FHOD3: variants seen among roughly 807,000 people sequenced by gnomAD.
FHOD3 encodes the protein FH1/FH2 domain-containing protein 3.
FHOD3 carries 90 observed loss-of-function variants against 173.0 expected under a neutral mutation model. That is an observed-to-expected ratio of 0.52 (90% CI 0.44 to 0.62). The LOEUF (loss-of-function observed/expected upper bound fraction) is 0.62. FHOD3 is among the 20% of genes least tolerant of loss of function. The pLI, the probability that FHOD3 is intolerant of heterozygous loss-of-function variation, is 0.00. For missense variants in FHOD3, 1,945 were observed against 2,034.7 expected, an observed-to-expected ratio of 0.96 and a Z score of 0.85; for synonymous variants, 828 against 823.0, an observed-to-expected ratio of 1.01 and a Z score of -0.10.
chr18:36,540,532 G>T (rs576036580), intron 5 of FHOD3, among the ~76,000 whole-genome samples: 1 of 152,294 alleles, frequency 6.6e-6, no homozygotes, highest in South Asian at 2.1e-4. Context: ...TAATGCATTT[G>T]CAGTGATATA....
At chr18:36,424,254 A>AT (rs2050133046) in intron 3 of FHOD3, among the ~76,000 whole-genome samples, 1 of 152,098 alleles carries the variant, frequency 6.6e-6, no homozygotes, top group African/African-American at 2.4e-5. Flanking sequence ...ACAGTGCCAC[A>AT]TTTTTTGTAG....
intron 9 of FHOD3, among the ~76,000 whole-genome samples, chr18:36,614,840 ATTTTTTT>A (rs751719654): frequency 2.1e-3 from 182 of 86,178 alleles, no homozygotes; most frequent in African/African-American, 3.9e-3. Flanking sequence ...TTTTTAATTG[ATTTTTTT>A]TTTTTTTTTT....
chr18:36,561,430 C>T (rs1216858184), intron 5 of FHOD3, among the ~76,000 whole-genome samples: 1 of 152,130 alleles, frequency 6.6e-6, no homozygotes, highest in African/African-American at 2.4e-5. Context: ...GGAACCACCT[C>T]CCAGGACTGT....
chr18:36,655,378 C>A (rs1209794247), intron 13 of FHOD3, among the ~76,000 whole-genome samples: 2 of 152,034 alleles, frequency 1.3e-5, no homozygotes, highest in East Asian at 3.9e-4. Flanking sequence ...TTTCCTGGGC[C>A]CCAGACCCTT....
At chr18:36,476,851 A>T (rs1269503264) in intron 3 of FHOD3, among the ~76,000 whole-genome samples, 5 of 152,212 alleles carry the variant, frequency 3.3e-5, no homozygotes, top group African/African-American at 9.6e-5. Context: ...CTCTTTGAGC[A>T]CTTTCTTTAC....
intron 1 of FHOD3, among the ~76,000 whole-genome samples, chr18:36,341,968 A>T (rs2045645716): frequency 6.6e-6 from 1 of 152,256 alleles, no homozygotes; most frequent in Non-Finnish European, 1.5e-5. Flanking sequence ...CTCTGAAACA[A>T]TTGTGATAAA....
At chr18:36,383,124 G>A (rs2047873966) in intron 3 of FHOD3, among the ~76,000 whole-genome samples, 1 of 152,190 alleles carries the variant, frequency 6.6e-6, no homozygotes, top group Non-Finnish European at 1.5e-5. Context: ...GATAGCGTTG[G>A]CCAGCCCTTC....
At chr18:36,542,495 C>T (rs946070215) in intron 5 of FHOD3, among the ~76,000 whole-genome samples, 1 of 152,078 alleles carries the variant, frequency 6.6e-6, no homozygotes, top group Non-Finnish European at 1.5e-5. Context: ...ATTGAGTATT[C>T]TGTATTAGGT....
chr18:36,693,281 C>T lies in FHOD3; in HGVS notation c.2094C>T (p.Gly698=). ...KELRSRSVSR[G]RADLSLDLTS... ...TGAGAAGCCGGAGTGTGAGCCGGGG[C>T]AGAGCCGACCTCTCCTTGGACCTGA... Residue 698 remains glycine, a synonymous_variant, in exon 17 of 29, where the codon GGC becomes GGT. Coordinates refer to ENST00000590592, the MANE Select transcript of FHOD3 (RefSeq NM_001281740.3). 1.2e-6 allele frequency: 2 copies of T among 1,613,838 alleles called. No homozygotes were observed. The highest frequency in any genetic ancestry group is 8.5e-7 in the Non-Finnish European group (1 of 1,179,848).
intron 19 of FHOD3, among the ~76,000 whole-genome samples, chr18:36,726,391 C>A (rs922050197): frequency 6.6e-6 from 1 of 152,122 alleles, no homozygotes; most frequent in Non-Finnish European, 1.5e-5. Context: ...AATTGCAGAA[C>A]AACTTTCTGA....
At chr18:36,542,009 G>A (rs867037237) in intron 5 of FHOD3, among the ~76,000 whole-genome samples, 1 of 152,278 alleles carries the variant, frequency 6.6e-6, no homozygotes. Flanking sequence ...ATTCACCCTT[G>A]CCAGTCCAGT....
chr18:36,776,339 T>C (rs1386499667), intron 28 of FHOD3, among the ~76,000 whole-genome samples: 4 of 152,098 alleles, frequency 2.6e-5, no homozygotes, highest in Non-Finnish European at 5.9e-5. Context: ...AGGGTGTACA[T>C]GTACATGATG....
chr18:36,416,284 C>T (rs11663667), intron 3 of FHOD3, among the ~76,000 whole-genome samples: 99 of 152,348 alleles, frequency 6.5e-4, no homozygotes, highest in Non-Finnish European at 1.1e-3. Context: ...CCGCCTGCCT[C>T]GGCCTTCCAA....
intron 1 of FHOD3, among the ~76,000 whole-genome samples, chr18:36,332,430 C>T (rs1320421524): frequency 6.6e-6 from 1 of 152,218 alleles, no homozygotes; most frequent in African/African-American, 2.4e-5. Context: ...GGCCTGCTAA[C>T]AGCTCCACCT....
At chr18:36,738,181 G>A (rs1159678654) in intron 20 of FHOD3, among the ~76,000 whole-genome samples, 2 of 152,100 alleles carry the variant, frequency 1.3e-5, no homozygotes, top group African/African-American at 2.4e-5. Flanking sequence ...TTTTATTGCC[G>A]AGTGCTATTG....
chr18:36,484,566 T>A (rs1023720855), intron 3 of FHOD3, among the ~76,000 whole-genome samples: 1 of 152,178 alleles, frequency 6.6e-6, no homozygotes, highest in Admixed American at 6.5e-5. Context: ...TCCTCATAAT[T>A]TTCAGACTAG....
chr18:36,590,022 T>C (rs911910012), intron 6 of FHOD3, among the ~76,000 whole-genome samples: 7 of 152,160 alleles, frequency 4.6e-5, no homozygotes, highest in African/African-American at 1.7e-4. Flanking sequence ...GGCCACACTG[T>C]GGTGTGTGCT....
At chr18:36,443,994 A>T (rs2051309813) in intron 3 of FHOD3, among the ~76,000 whole-genome samples, 1 of 152,124 alleles carries the variant, frequency 6.6e-6, no homozygotes, top group South Asian at 2.1e-4. Context: ...TCACGAGGTC[A>T]GGAGATTGAG....
At chr18:36,722,023 A>G (rs1568673132) in intron 19 of FHOD3, among the ~76,000 whole-genome samples, 1 of 152,236 alleles carries the variant, frequency 6.6e-6, no homozygotes, top group Non-Finnish European at 1.5e-5. Context: ...TGAAAAAATG[A>G]TAAGACTGAA....
Sources: allele counts gnomAD v4.1 joint callset (sites outside exome capture counted in the v4.1 genomes callset), GRCh38; gene constraint gnomAD v4.1.1; transcripts MANE v1.5; gene names NCBI Gene and HGNC (gene_info 2026-07-23, HGNC 2026-07-21).